The following UGT2B7 variants were observed in gnomAD, a reference collection of about 807,000 sequenced individuals.
UGT2B7 encodes UDP glucuronosyltransferase family 2 member B7.
UGT2B7 carries 51 observed loss-of-function variants against 51.9 expected under a neutral mutation model. The ratio of observed to expected loss-of-function variants is 0.98; its 90% CI spans 0.78 to 1.24. The LOEUF is 1.24. UGT2B7 is among the 50% of genes most tolerant of loss of function. The pLI, the probability that UGT2B7 is intolerant of heterozygous loss-of-function variation, is 0.00. For missense variants in UGT2B7, 727 were observed against 628.4 expected (o/e 1.16, Z -1.68); for synonymous variants, 225 against 211.6 (o/e 1.06, Z -0.55).
At chr4:69,092,073 C>T (rs550159361), upstream of UGT2B7, among the ~76,000 whole-genome samples, 3 of 152,198 alleles carry the variant, frequency 2.0e-5, no homozygotes, top group South Asian at 6.2e-4. Context: ...GTAGCTAGGA[C>T]TGTAGGCACA....
At chr4:69,086,336 G>A (rs987592390) in intron 1 of UGT2B7, among the ~76,000 whole-genome samples, 1 of 151,454 alleles carries the variant, frequency 6.6e-6, no homozygotes, top group Non-Finnish European at 1.5e-5. Flanking sequence ...ATTCCATTGT[G>A]GAAAAAAATT....
intron 1 of UGT2B7, among the ~76,000 whole-genome samples, chr4:69,082,320 A>T (rs1721511663): frequency 6.6e-6 from 1 of 152,048 alleles, no homozygotes; most frequent in Non-Finnish European, 1.5e-5. Flanking sequence ...ATAATTAAGG[A>T]ACATGAGGAA....
intron 2 of UGT2B7, among the ~76,000 whole-genome samples, chr4:69,100,089 C>A (rs1719375529): frequency 6.6e-6 from 1 of 151,936 alleles, no homozygotes; most frequent in African/African-American, 2.4e-5. Context: ...TTCATTGAGA[C>A]CCCAGAGATT....
intron 1 of UGT2B7, among the ~76,000 whole-genome samples, chr4:69,052,583 A>AGGC (rs1190749085): frequency 6.6e-6 from 1 of 151,528 alleles, no homozygotes; most frequent in African/African-American, 2.4e-5. Flanking sequence ...AAAAAAAAAA[A>AGGC]AAAAAAAAAG....
chr4:69,082,407 C>A (rs561599277), intron 1 of UGT2B7, among the ~76,000 whole-genome samples: 42 of 142,914 alleles, frequency 2.9e-4, no homozygotes, highest in Non-Finnish European at 2.1e-4. Context: ...AAAAAAAAAA[C>A]AAAAAAGATA....
intron 2 of UGT2B7, among the ~76,000 whole-genome samples, chr4:69,091,386 T>C (rs74971799): frequency 6.8e-6 from 1 of 147,970 alleles, no homozygotes; most frequent in African/African-American, 2.5e-5. Context: ...AATTAGAAAC[T>C]TTAAAGATTT....
At chr4:69,108,690 C>T (rs1190723751) in intron 5 of UGT2B7, among the ~76,000 whole-genome samples, 1 of 151,772 alleles carries the variant, frequency 6.6e-6, no homozygotes, top group Admixed American at 6.6e-5. Flanking sequence ...AGAGTATAAC[C>T]ATTTTCTTGC....
At chr4:69,093,845 A>C (rs1719144672), upstream of UGT2B7, among the ~76,000 whole-genome samples, 2 of 152,180 alleles carry the variant, frequency 1.3e-5, no homozygotes, top group African/African-American at 4.8e-5. Context: ...CTGTGGATCA[A>C]GTTGTTTCCT....
intron 3 of UGT2B7, 101 bp downstream of exon 3, chr4:69,103,039 C>T (rs533330594): frequency 6.6e-7 from 1 of 1,516,540 alleles, no homozygotes; most frequent in African/African-American, 1.4e-5. Flanking sequence ...TGAAGTTGAC[C>T]AAAAGTTGAA....
At chr4:69,052,587 A>AAAAGGGGAGGCAAAACTTACGT (rs1718056784) in intron 1 of UGT2B7, among the ~76,000 whole-genome samples, 1 of 151,304 alleles carries the variant, frequency 6.6e-6, no homozygotes, top group African/African-American at 2.4e-5. Flanking sequence ...AAAAAAAAAA[A>AAAAGGGGAGGCAAAACTTACGT]AAAAAGAAGG....
rs747540766 is a variant in UGT2B7 at position 69,102,902 on chromosome 4, C to G, written c.966C>G (p.Asn322Lys). The G allele has an allele frequency of 1.1e-5, 18 of 1,613,308 alleles. No homozygotes were observed. Among genetic ancestry groups the G allele is most frequent in the South Asian group, 1.1e-4 (10 of 91,072 alleles). Reference sequence around the variant, plus strand: ...GTAACATGACAGAAGAAAGGGCCAACGTAATTGCATCAGCCCTGGCCCAGA... The same window carrying G: ...GTAACATGACAGAAGAAAGGGCCAAGGTAATTGCATCAGCCCTGGCCCAGA... The part of the protein sequence containing the change: ...MVSNMTEERA[N>K]VIASALAQIP... The change falls in exon 3 of 6, where the codon AAC becomes AAG. Residue 322 changes from asparagine (N) to lysine (K), a missense_variant. Transcript: ENST00000305231.
At chr4:69,086,684 T>C (rs1186569425) in intron 1 of UGT2B7, among the ~76,000 whole-genome samples, 1 of 151,966 alleles carries the variant, frequency 6.6e-6, no homozygotes, top group Admixed American at 6.6e-5. Flanking sequence ...ATATTTACAA[T>C]TTTATTCTGT....
chr4:69,058,825 C>T (rs1718276193), intron 1 of UGT2B7, among the ~76,000 whole-genome samples: 2 of 152,042 alleles, frequency 1.3e-5, no homozygotes, highest in African/African-American at 4.8e-5. Flanking sequence ...GCAGCTCTCA[C>T]AGGGAGGGAA....
chr4:69,107,233 A>G lies in UGT2B7; in HGVS notation c.1061A>G (p.Tyr354Cys), dbSNP rs1338855475. 13 of 1,609,322 alleles carry G rather than the reference A, an allele frequency of 8.1e-6. No individual in the cohort carries two copies. In the Admixed American group the frequency reaches 2.2e-4, roughly 27 times the overall value. Residue 354 changes from tyrosine to cysteine, a missense_variant, in exon 4 of 6, where the codon TAC becomes TGC. By Grantham distance (194) the Tyr-to-Cys change is radical (BLOSUM62 -2). Coordinates refer to ENST00000305231, the MANE Select transcript of UGT2B7 (RefSeq NM_001074.4). ...PDTLGLNTRLYKWIPQNDLLG... is the reference protein window; with the variant it reads ...PDTLGLNTRLCKWIPQNDLLG... ...ACCTTAGGTCTCAATACTCGGCTCT[A>G]CAAGTGGATACCCCAGAATGACCTT...
At chr4:69,080,102 A>G (rs1192284479) in intron 1 of UGT2B7, among the ~76,000 whole-genome samples, 1 of 152,148 alleles carries the variant, frequency 6.6e-6, no homozygotes, top group African/African-American at 2.4e-5. Context: ...TGATTCTCCA[A>G]CTGTTGACTC....
At chr4:69,082,405 A>AG (rs897210156) in intron 1 of UGT2B7, among the ~76,000 whole-genome samples, 2 of 151,612 alleles carry the variant, frequency 1.3e-5, no homozygotes, top group Non-Finnish European at 1.5e-5. Flanking sequence ...TTAAAAAAAA[A>AG]ACAAAAAAGA....
chr4:69,096,715 T>G lies in UGT2B7; in HGVS notation c.195T>G (p.Asp65Glu). Residue 65 changes from aspartate to glutamate, a missense_variant, in exon 1 of 6, where the codon GAT (aspartate) becomes GAG (glutamate). Coordinates refer to ENST00000305231, the MANE Select transcript of UGT2B7 (RefSeq NM_001074.4). ...VLASSASILF[D>E]PNNSSALKIE... is the part of the protein sequence containing the mutation. ...CATCTTCAGCTTCCATTCTTTTTGA[T>G]CCCAACAACTCATCCGCTCTTAAAA... The G allele has an allele frequency of 6.2e-7, 1 of 1,614,020 alleles. No individual in the cohort carries two copies. Among genetic ancestry groups the G allele is most frequent in the Non-Finnish European group, 8.5e-7 (1 of 1,179,924 alleles).
At position 69,107,282 on chromosome 4, in the gene UGT2B7, A is replaced by ATAC. The variant is rs1313731772; in HGVS notation, c.1090+22_1090+24dup. The stretch of plus-strand genomic sequence containing the variant: ...TTCTAGGTAAGACTCTGGTGAACAA[A>ATAC]TACTGAATATATTAGTAACAGCACA... On this transcript the variant is annotated intron_variant, in intron 4 of 5. Transcript: ENST00000305231. The ATAC allele has an allele frequency of 2.5e-6, 4 of 1,581,620 alleles. No homozygotes were observed. In the African/African-American group the frequency reaches 5.4e-5, roughly 21 times the overall value.
Position 69,096,581 on chromosome 4 carries a change from G to A in UGT2B7, c.61G>A (p.Gly21Arg), listed in dbSNP as rs1719233800. 1.2e-6 allele frequency: 2 copies of A among 1,613,936 alleles called. No individual in the cohort carries two copies. The highest frequency in any genetic ancestry group is 1.7e-6 in the Non-Finnish European group (2 of 1,179,880). ...ACAACTGAGCTTTTGCTTTAGCTCT[G>A]GGAATTGTGGAAAGGTGCTGGTGTG... ...LIQLSFCFSS[G>R]NCGKVLVWAA... The change falls in exon 1 of 6, where the codon GGG becomes AGG. Residue 21 changes from glycine (G) to arginine (R), a missense_variant. Physicochemically the swap from Gly to Arg is moderately radical, Grantham distance 125 (BLOSUM62 -2). Transcript: ENST00000305231.
Sources: allele counts gnomAD v4.1 joint callset (sites outside exome capture counted in the v4.1 genomes callset), GRCh38; gene constraint gnomAD v4.1.1; transcripts MANE v1.5; gene names NCBI Gene and HGNC (gene_info 2026-07-23, HGNC 2026-07-21).